KCNT1: variants seen among roughly 807,000 people sequenced by gnomAD.
The protein encoded by KCNT1 is potassium sodium-activated channel subfamily T member 1.
In KCNT1, 78 loss-of-function variants were observed where a neutral mutation model predicts 147.8. The ratio of observed to expected loss-of-function variants is 0.53; its 90% confidence interval spans 0.44 to 0.64. The LOEUF (loss-of-function observed/expected upper bound fraction) is 0.64, where lower values mean the gene tolerates loss of function less well. Among genes scored for constraint, KCNT1 ranks in the 30% least tolerant of loss-of-function variants. The pLI, the probability that KCNT1 is intolerant of heterozygous loss-of-function variation, is 0.00. For missense variants in KCNT1, 1,419 were observed against 1,750.3 expected (o/e 0.81, Z 3.38); for synonymous variants, 867 against 748.8 (o/e 1.16, Z -2.58).
chr9:135,757,491 C>G (rs550127749), intron 9 of KCNT1, 110 bp downstream of exon 9: 14 of 955,708 alleles, frequency 1.5e-5, no homozygotes, highest in Non-Finnish European at 2.1e-5. Context: ...CCTGGCATGA[C>G]CTGTAGAGGA....
chr9:135,717,209 G>C (rs1036908685), intron 2 of KCNT1, among the ~76,000 whole-genome samples: 4 of 151,086 alleles, frequency 2.6e-5, no homozygotes, highest in African/African-American at 7.3e-5. Context: ...AGGGGACCTG[G>C]CCCCAGTGGT....
At position 135,702,362 on chromosome 9, in the gene KCNT1, C is replaced by A. The variant is rs772080195; in HGVS notation, c.104C>A (p.Ala35Asp). The A allele has an allele frequency of 1.9e-6, 3 of 1,609,890 alleles. No homozygotes were observed. Among genetic ancestry groups the A allele is most frequent in the Non-Finnish European group, 2.5e-6 (3 of 1,177,856 alleles). Residue 35 changes from alanine (A) to aspartate (D), a missense_variant, in exon 1 of 31, where the codon GCC becomes GAC. Physicochemically the swap from Ala to Asp is moderately radical, Grantham distance 126. Around this residue, in one of 5 missense-constraint regions of KCNT1, gnomAD observed 181 missense variants for 155.7 expected, o/e 1.16. Coordinates refer to ENST00000371757, the MANE Select transcript of KCNT1 (RefSeq NM_020822.3). ...TTCGAGTTTGACGACGGCCAATGCG[C>A]CCCCAGGTACAGTCTGCTGCGCCCT... ...RTFEFDDGQC[A>D]PRRPCAGDGA... is the part of the protein sequence containing the mutation.
In KCNT1 at chr9:135,768,673, A is replaced by G. The variant is rs1832501456; in HGVS notation, c.1401A>G (p.Ala467=). The G allele has an allele frequency of 1.3e-6, 2 of 1,550,052 alleles. No individual in the cohort carries two copies. Among genetic ancestry groups the G allele is most frequent in the Non-Finnish European group, 1.7e-6 (2 of 1,146,726 alleles). The part of the protein sequence containing the change: ...SSRNEVDRTA[A]DHQTILRAWA... ...GGAACGAGGTGGACCGCACGGCTGC[A>G]GTGAGTGAGGCTGAGGCCCTGCCCA... The change falls in exon 14 of 31, where the codon GCA becomes GCG. Residue 467 remains alanine (A), a splice_region_variant and synonymous_variant. Coordinates refer to ENST00000371757, the MANE Select transcript of KCNT1 (RefSeq NM_020822.3).
chr9:135,753,681 C>G, intron 4 of KCNT1: 1 of 571,676 alleles, frequency 1.7e-6, no homozygotes. Context: ...TGTACCCTCG[C>G]TGTCTGCCTG....
rs754823810 is a variant in KCNT1, at chr9:135,702,352, G to T, written c.94G>T (p.Gly32Cys). 8 of 1,611,212 alleles carry T rather than the reference G, an allele frequency of 5.0e-6. No homozygotes were observed. In the Admixed American group the frequency reaches 1.3e-4, roughly 27 times the overall value. Residue 32 changes from glycine (G) to cysteine (C), a missense_variant, in exon 1 of 31, where the codon GGC becomes TGC. Gly to Cys is a radical substitution (Grantham distance 159). Transcript: ENST00000371757. ...CAACCGGACCTTCGAGTTTGACGAC[G>T]GCCAATGCGCCCCCAGGTACAGTCT... ...YTNRTFEFDD[G>C]QCAPRRPCAG...
At chr9:135,734,442 A>G (rs1480205311) in intron 2 of KCNT1, among the ~76,000 whole-genome samples, 1 of 152,194 alleles carries the variant, frequency 6.6e-6, no homozygotes, top group Non-Finnish European at 1.5e-5. Flanking sequence ...TCTGTGACAA[A>G]CATAGACAGT....
intron 10 of KCNT1, 133 bp downstream of exon 10, chr9:135,758,641 G>A (rs1200850669): frequency 3.1e-5 from 22 of 713,590 alleles, no homozygotes; most frequent in African/African-American, 5.3e-5. Flanking sequence ...CCTGGGCTGC[G>A]GGTGTCGGGC....
intron 29 of KCNT1, among the ~76,000 whole-genome samples, chr9:135,787,874 G>A (rs928810620): frequency 1.4e-4 from 21 of 152,246 alleles, no homozygotes; most frequent in East Asian, 3.9e-4. Flanking sequence ...GATCCCGCCC[G>A]GTCTGGCCAC....
At chr9:135,704,361 A>C (rs1218416886) in intron 1 of KCNT1, among the ~76,000 whole-genome samples, 1 of 152,204 alleles carries the variant, frequency 6.6e-6, no homozygotes, top group Non-Finnish European at 1.5e-5. Context: ...CCCCAGCTCC[A>C]CGCTAGTGGT....
At chr9:135,789,208 C>T (rs1320454035) in intron 29 of KCNT1, 2 of 151,402 alleles carry the variant, frequency 1.3e-5, no homozygotes, top group African/African-American at 2.4e-5. Context: ...ACTGCAGCTC[C>T]AGGGCAGGCA....
rs78723047 is a variant in KCNT1 at position 135,786,085 on chromosome 9, C to G, written c.3178-112C>G. Reference sequence around the variant, plus strand: ...TCCCTAACACCCCCAGCTGCTCCCACGCAGGCCCCAAGCTGCAGAGCCCAC... The same window carrying G: ...TCCCTAACACCCCCAGCTGCTCCCAGGCAGGCCCCAAGCTGCAGAGCCCAC... On this transcript the variant is annotated intron_variant, in intron 28 of 30. Transcript: ENST00000371757. 0.01 allele frequency: 9,694 copies of G among 940,612 alleles called. 197 individuals carry two copies. The highest frequency in any genetic ancestry group is 0.048 in the South Asian group (2,984 of 62,810). The allele number at this position is 940,612 out of a possible 1,614,324, so 58.3% of individuals were successfully genotyped here. A position where few individuals can be genotyped will look rare whatever the true frequency, so the allele number is the denominator to read the frequency against.
rs1831407489 is a variant in KCNT1, at chr9:135,755,249, G to A, written c.540+80G>A. The A allele has an allele frequency of 3.9e-6, 5 of 1,279,292 alleles. No individual in the cohort carries two copies. In the East Asian group the frequency reaches 7.4e-5, roughly 19 times the overall value. The allele number at this position is 1,279,292 out of a possible 1,614,324, so 79.2% of individuals were successfully genotyped here. A position where few individuals can be genotyped will look rare whatever the true frequency, so the allele number is the denominator to read the frequency against. Reference sequence around the variant, plus strand: ...AGGACCAACCCAGACTCAGTAAGTAGGGAACCCAGGCTCGGTGAGCACTGA... The same window carrying A: ...AGGACCAACCCAGACTCAGTAAGTAAGGAACCCAGGCTCGGTGAGCACTGA... On this transcript the variant is annotated intron_variant, in intron 6 of 30. Transcript: ENST00000371757.
At chr9:135,739,554 G>T (rs1389530922) in intron 2 of KCNT1, among the ~76,000 whole-genome samples, 1 of 152,012 alleles carries the variant, frequency 6.6e-6, no homozygotes, top group Non-Finnish European at 1.5e-5. Context: ...CCTCACCCCG[G>T]GCACACGCCC....
At chr9:135,753,253 T>A (rs952304495) in intron 4 of KCNT1, among the ~76,000 whole-genome samples, 1 of 152,088 alleles carries the variant, frequency 6.6e-6, no homozygotes, top group African/African-American at 2.4e-5. Context: ...GGAAAGTGGA[T>A]CAGTTGAAAG....
At chr9:135,775,203 C>A in intron 19 of KCNT1, 107 bp from the exon 20 acceptor site, 1 of 725,146 alleles carries the variant, frequency 1.4e-6, no homozygotes. Context: ...AGCAACGTGG[C>A]TGTGGGTGGA....
intron 29 of KCNT1, among the ~76,000 whole-genome samples, chr9:135,787,371 C>A (rs1372612051): frequency 6.6e-6 from 1 of 152,234 alleles, no homozygotes; most frequent in African/African-American, 2.4e-5. Flanking sequence ...TGGGCCCCAG[C>A]TCCCCAGCAC....
chr9:135,746,216 G>A (rs529345473), intron 2 of KCNT1, among the ~76,000 whole-genome samples: 1 of 152,210 alleles, frequency 6.6e-6, no homozygotes, highest in Admixed American at 6.5e-5. Flanking sequence ...CAGGGAGTCT[G>A]CCAGGCCCCA....
intron 12 of KCNT1, 34 bp downstream of exon 12, chr9:135,765,229 C>A (rs1217240946): frequency 6.3e-7 from 1 of 1,586,176 alleles, no homozygotes; most frequent in African/African-American, 1.3e-5. Flanking sequence ...GCAGACGACT[C>A]CCTCCCGGCC....
chr9:135,733,802 G>A (rs1006313987), intron 2 of KCNT1, among the ~76,000 whole-genome samples: 6 of 147,636 alleles, frequency 4.1e-5, no homozygotes, highest in South Asian at 2.2e-4. Flanking sequence ...AGCACCAGGC[G>A]TGGGTGCCCA....
Sources: gnomAD v4.1 joint callset for allele counts (sites outside exome capture counted in the v4.1 genomes callset) on GRCh38, gnomAD v4.1.1 for gene constraint, gnomAD v4.1.1 regional missense constraint, MANE v1.5 for transcripts, NCBI Gene and HGNC (gene_info 2026-07-23, HGNC 2026-07-21) for gene names.